The following LINGO2 variants were observed in gnomAD, a reference collection of about 807,000 sequenced individuals.
LINGO2 encodes the protein leucine-rich repeat and immunoglobulin-like domain-containing nogo receptor-interacting protein 2.
In LINGO2, 14 loss-of-function variants were observed where a neutral mutation model predicts 30.6. The ratio of observed to expected loss-of-function variants is 0.46; its 90% CI spans 0.30 to 0.72. LINGO2 has a LOEUF of 0.72. Ranked by LOEUF, LINGO2 falls within the 30% of genes least tolerant of loss-of-function variation. The pLI, the probability that LINGO2 is intolerant of heterozygous loss-of-function variation, is 0.07. For missense variants in LINGO2, 729 were observed against 751.7 expected, an observed-to-expected ratio of 0.97 and a Z score of 0.35; for synonymous variants, 317 against 288.5, an observed-to-expected ratio of 1.10 and a Z score of -1.00.
At chr9:28,088,942 C>T (rs1276310887) in intron 4 of LINGO2, among the ~76,000 whole-genome samples, 1 of 152,010 alleles carries the variant, frequency 6.6e-6, no homozygotes. Context: ...AGACTTTAAA[C>T]CAACAAAGAT....
chr9:28,336,068 T>C (rs2134366043), intron 3 of LINGO2, among the ~76,000 whole-genome samples: 1 of 152,240 alleles, frequency 6.6e-6, no homozygotes, highest in African/African-American at 2.4e-5. Flanking sequence ...ATATGAGAGA[T>C]CTAGTATCTC....
intron 1 of LINGO2, among the ~76,000 whole-genome samples, chr9:28,478,974 A>C (rs1825829196): frequency 6.6e-6 from 1 of 151,948 alleles, no homozygotes; most frequent in Non-Finnish European, 1.5e-5. Context: ...TTTAGCTTTC[A>C]TTCATGAAGT....
At chr9:28,555,733 A>G (rs1361033909) in intron 1 of LINGO2, among the ~76,000 whole-genome samples, 2 of 152,072 alleles carry the variant, frequency 1.3e-5, no homozygotes, top group East Asian at 1.9e-4. Context: ...ATGAACATTG[A>G]TGCAAAAATC....
intron 1 of LINGO2, among the ~76,000 whole-genome samples, chr9:28,617,847 T>G (rs1826208783): frequency 6.6e-6 from 1 of 152,168 alleles, no homozygotes; most frequent in Non-Finnish European, 1.5e-5. Context: ...AAATTCTACT[T>G]ATGTCTTTCC....
rs138403658 is a variant in LINGO2, at chr9:28,258,957, C to T, written c.-87+36251G>A. On this transcript the variant is annotated intron_variant, in intron 4 of 5. Transcript: ENST00000379992. ...ACATTAAGTTTCAAGGCAAGAAAAT[C>T]ATAGGAGGATTGGTCCCATACCAAC... is the stretch of plus-strand genomic sequence containing the variant. Among the ~76,000 whole-genome samples, 319 of 151,124 alleles carry T rather than the reference C, an allele frequency of 2.1e-3. 2 individuals carry two copies. Among genetic ancestry groups the T allele is most frequent in the Non-Finnish European group, 1.1e-3 (75 of 67,750 alleles).
the LINGO2 span, among the ~76,000 whole-genome samples, chr9:29,082,530 T>C: frequency 6.6e-6 from 1 of 152,118 alleles, no homozygotes; most frequent in Non-Finnish European, 1.5e-5. Flanking sequence ...GGCAATGACT[T>C]CATTTCTAAA....
the LINGO2 span, among the ~76,000 whole-genome samples, chr9:28,870,669 C>G: frequency 6.6e-6 from 1 of 151,862 alleles, no homozygotes; most frequent in South Asian, 2.1e-4. Context: ...GCTTATATAC[C>G]GTACTTGGTG....
intron 4 of LINGO2, among the ~76,000 whole-genome samples, chr9:28,055,430 G>A (rs778133882): frequency 6.6e-6 from 1 of 152,126 alleles, no homozygotes. Flanking sequence ...TTTCTGTTGG[G>A]TATAAGGGCA....
At chr9:28,946,894 T>C in the LINGO2 span, among the ~76,000 whole-genome samples, 1 of 152,042 alleles carries the variant, frequency 6.6e-6, no homozygotes, top group East Asian at 1.9e-4. Flanking sequence ...AGTACATATG[T>C]GGTTCATGAT....
rs1267301823 is a variant in LINGO2, at chr9:27,966,498, C to T, written c.-35-15792G>A. Among the ~76,000 whole-genome samples, 4 of 152,198 alleles carry T rather than the reference C, an allele frequency of 2.6e-5. No homozygotes were observed. The East Asian group carries it at 7.7e-4, about 29-fold the overall frequency. On this transcript the variant is annotated intron_variant, in intron 5 of 5. Transcript: ENST00000379992. ...GAAAACCAAACACCGCTTGTTCTCA[C>T]TCATAAGTGGGAATTGAACAGTGGG...
intron 1 of LINGO2, among the ~76,000 whole-genome samples, chr9:28,532,784 AC>A (rs1403507527): frequency 6.6e-6 from 1 of 151,618 alleles, no homozygotes; most frequent in Non-Finnish European, 1.5e-5. Flanking sequence ...GTGTCAAAGT[AC>A]TCCTTCTGAC....
chr9:28,280,643 G>A (rs973060891), intron 4 of LINGO2, among the ~76,000 whole-genome samples: 1 of 152,072 alleles, frequency 6.6e-6, no homozygotes, highest in East Asian at 1.9e-4. Flanking sequence ...GAAGTTGTGT[G>A]GATATCAGTA....
intron 1 of LINGO2, among the ~76,000 whole-genome samples, chr9:28,656,355 A>G (rs1828337236): frequency 6.6e-6 from 1 of 152,148 alleles, no homozygotes; most frequent in African/African-American, 2.4e-5. Flanking sequence ...AGAAAAAGAT[A>G]ATAAGTATAC....
chr9:28,402,579 C>A (rs935360594), intron 2 of LINGO2, among the ~76,000 whole-genome samples: 1 of 151,884 alleles, frequency 6.6e-6, no homozygotes, highest in Non-Finnish European at 1.5e-5. Context: ...CTTCTTCCCT[C>A]TCCCTCCTTC....
intron 1 of LINGO2, among the ~76,000 whole-genome samples, chr9:28,576,735 G>T (rs1297308483): frequency 6.6e-6 from 1 of 152,080 alleles, no homozygotes; most frequent in East Asian, 1.9e-4. Context: ...GGTTATTGGG[G>T]TGCAAGAGGT....
At chr9:29,213,571 C>T in the LINGO2 span, among the ~76,000 whole-genome samples, 1 of 152,030 alleles carries the variant, frequency 6.6e-6, no homozygotes, top group Non-Finnish European at 1.5e-5. Flanking sequence ...GCTTGGCAGC[C>T]GGGCTCAGAG....
the LINGO2 span, among the ~76,000 whole-genome samples, chr9:29,207,735 A>G: frequency 1.4e-4 from 21 of 152,072 alleles, no homozygotes; most frequent in Admixed American, 7.2e-4. Flanking sequence ...CCAAAACTCT[A>G]GGGAAGGAAA....
chr9:28,969,020 T>C, the LINGO2 span, among the ~76,000 whole-genome samples: 86 of 152,258 alleles, frequency 5.6e-4, no homozygotes, highest in African/African-American at 1.9e-3. Context: ...CTTCATTCAA[T>C]CAATAGTTAT....
chr9:28,029,449 G>C (rs1823552635), intron 4 of LINGO2, among the ~76,000 whole-genome samples: 1 of 152,190 alleles, frequency 6.6e-6, no homozygotes, highest in African/African-American at 2.4e-5. Flanking sequence ...AAGATGCAAG[G>C]CTTGTTGATC....
Sources: gnomAD v4.1 joint callset for allele counts (sites outside exome capture counted in the v4.1 genomes callset) on GRCh38, gnomAD v4.1.1 for gene constraint, MANE v1.5 for transcripts, NCBI Gene and HGNC (gene_info 2026-07-23, HGNC 2026-07-21) for gene names.